The following DENND4A variants were observed in gnomAD, a reference collection of about 807,000 sequenced individuals.
DENND4A encodes C-myc promoter-binding protein.
A neutral mutation model predicts 199.3 loss-of-function variants in DENND4A; 70 were observed. The ratio of observed to expected loss-of-function variants is 0.35; its 90% CI spans 0.29 to 0.43. The LOEUF (loss-of-function observed/expected upper bound fraction) is 0.43. Among genes scored for constraint, DENND4A ranks in the 20% least tolerant of loss-of-function variants. The probability of loss-of-function intolerance (pLI) is 1.00; values close to 1 mark genes in which losing one functional copy is unlikely to be tolerated. For synonymous variants in DENND4A, 686 were observed against 766.9 expected, an observed-to-expected ratio of 0.89 and a Z score of 1.74; for missense variants, 1,723 against 2,255.8, an observed-to-expected ratio of 0.76 and a Z score of 4.78.
At chr15:65,702,584 A>G in intron 16 of DENND4A, 73 bp from the exon 17 acceptor site, 1 of 1,214,942 alleles carries the variant, frequency 8.2e-7, no homozygotes, top group Non-Finnish European at 1.2e-6. Flanking sequence ...GTGCTAAACA[A>G]GTACAAGTCA....
At chr15:65,771,487 A>T (rs2077123247) in intron 1 of DENND4A, 3 of 1,610,346 alleles carry the variant, frequency 1.9e-6, no homozygotes, top group Non-Finnish European at 2.5e-6. Flanking sequence ...GATAGAAGGA[A>T]TAAGGAGGAT....
intron 14 of DENND4A, among the ~76,000 whole-genome samples, chr15:65,708,054 T>C (rs867612786): frequency 6.6e-6 from 1 of 152,126 alleles, no homozygotes; most frequent in Admixed American, 6.5e-5. Flanking sequence ...TAAAATGCCA[T>C]GATGCAATCA....
chr15:65,772,069 C>T (rs1567097646), intron 1 of DENND4A: 9 of 1,238,104 alleles, frequency 7.3e-6, no homozygotes, highest in South Asian at 2.4e-5. Flanking sequence ...TGGGCCTTCT[C>T]GCGGTTGCCA....
At position 65,702,987 on chromosome 15, in the gene DENND4A, A is replaced by G. The variant is rs2074927093; in HGVS notation, c.2109T>C (p.Leu703=). Residue 703 remains leucine (L), a synonymous_variant, in exon 16 of 33, where the codon CTT becomes CTC. Coordinates refer to ENST00000443035, the MANE Select transcript of DENND4A (RefSeq NM_001320835.1). ...LQYSYNGFPV[L]RNNLFERPEG... Reference sequence around the variant, plus strand: ...CAGGTCTTTCAAATAAATTGTTCCTAAGAACTGGAAATCCATTATAGCTGT... The same window carrying G: ...CAGGTCTTTCAAATAAATTGTTCCTGAGAACTGGAAATCCATTATAGCTGT... The G allele has an allele frequency of 6.2e-7, 1 of 1,612,520 alleles. No homozygotes were observed. The highest frequency in any genetic ancestry group is 1.7e-5 in the Admixed American group (1 of 59,786).
In DENND4A at chr15:65,691,218, T is replaced by C. The variant is rs759122908; in HGVS notation, c.3376A>G (p.Ile1126Val). The C allele has an allele frequency of 2.5e-6, 4 of 1,613,414 alleles. No individual in the cohort carries two copies. The highest frequency in any genetic ancestry group is 2.2e-5 in the South Asian group (2 of 91,042). The change falls in exon 23 of 33, where the codon ATT becomes GTT. Residue 1126 changes from isoleucine (I) to valine (V), a missense_variant. Ile to Val is a conservative substitution (Grantham distance 29). Coordinates refer to ENST00000443035, the MANE Select transcript of DENND4A (RefSeq NM_001320835.1). ...TTTGATCTTAAAGGTGGCTTCCCAATATCAAGAGTATTTGGTCTCGTGCTT... is the reference window on the plus strand; with the variant it reads ...TTTGATCTTAAAGGTGGCTTCCCAACATCAAGAGTATTTGGTCTCGTGCTT... Reference protein sequence around the residue: ...SKSTRPNTLDIGKPPLRSKRD... With the variant: ...SKSTRPNTLDVGKPPLRSKRD...
chr15:65,696,809 A>G lies in DENND4A; in HGVS notation c.2951-312T>C, dbSNP rs76022458. On this transcript the variant is annotated intron_variant, in intron 21 of 32. Coordinates refer to ENST00000443035, the MANE Select transcript of DENND4A (RefSeq NM_001320835.1). ...TAAATATAATCACAATCCATTAAAC[A>G]AACTTTTTTTTTTTCTTTTTTCAGG... The G allele has an allele frequency of 4.6e-5, 13 of 279,842 alleles. No individual in the cohort carries two copies. In the East Asian group the frequency reaches 8.9e-4, roughly 19 times the overall value. The allele number at this position is 279,842 out of a possible 1,614,324, so 17.3% of individuals were successfully genotyped here. A position where few individuals can be genotyped will look rare whatever the true frequency, so the allele number is the denominator to read the frequency against.
intron 14 of DENND4A, chr15:65,715,220 G>T: frequency 3.7e-6 from 1 of 268,696 alleles, no homozygotes; most frequent in Non-Finnish European, 6.9e-6. Flanking sequence ...TTTTGTAAGT[G>T]GACAGGGAGG....
At chr15:65,786,717 C>T (rs2077575270) in intron 1 of DENND4A, among the ~76,000 whole-genome samples, 1 of 152,128 alleles carries the variant, frequency 6.6e-6, no homozygotes, top group Non-Finnish European at 1.5e-5. Context: ...TACCTAAGGT[C>T]ACAAAATTAA....
chr15:65,697,468 G>A (rs2077186914), intron 20 of DENND4A, 85 bp from the exon 21 acceptor site: 1 of 797,528 alleles, frequency 1.3e-6, no homozygotes, highest in Non-Finnish European at 2.0e-6. Context: ...ACTAGTGTTT[G>A]GATTTCCTTA....
At chr15:65,689,761 G>C (rs1321279930) in intron 23 of DENND4A, among the ~76,000 whole-genome samples, 1 of 152,176 alleles carries the variant, frequency 6.6e-6, no homozygotes, top group African/African-American at 2.4e-5. Flanking sequence ...CAGTGTATTT[G>C]AGGCCCTTAA....
chr15:65,762,141 G>A (rs561309380), intron 1 of DENND4A, among the ~76,000 whole-genome samples: 5 of 152,140 alleles, frequency 3.3e-5, no homozygotes, highest in African/African-American at 7.2e-5. Flanking sequence ...CCGAGTAGCC[G>A]GGATTACAGG....
chr15:65,715,138 T>C, intron 14 of DENND4A: 1 of 184,024 alleles, frequency 5.4e-6, no homozygotes, highest in South Asian at 1.3e-4. Flanking sequence ...ATAACCCATA[T>C]CAGACAAAAA....
In DENND4A at chr15:65,702,231, T is replaced by C. The variant is rs560743465; in HGVS notation, c.2430+74A>G. ...CTGCAGTGAGCCATGACTGCATCAC[T>C]GCACTCCAGCCTGGGTGACAGAGTG... is the stretch of plus-strand genomic sequence containing the variant. On this transcript the variant is annotated intron_variant, in intron 17 of 32. Coordinates refer to ENST00000443035, the MANE Select transcript of DENND4A (RefSeq NM_001320835.1). 6 of 1,229,336 alleles carry C rather than the reference T, an allele frequency of 4.9e-6. No homozygotes were observed. In the African/African-American group the frequency reaches 9.0e-5, roughly 18 times the overall value. The allele number at this position is 1,229,336 out of a possible 1,614,324, so 76.2% of individuals were successfully genotyped here.
chr15:65,756,724 C>G (rs999662456), intron 2 of DENND4A, among the ~76,000 whole-genome samples: 2 of 152,160 alleles, frequency 1.3e-5, no homozygotes, highest in Non-Finnish European at 1.5e-5. Context: ...AAGTAGACAA[C>G]AAAAAGAGAT....
intron 2 of DENND4A, 55 bp from the exon 3 acceptor site, chr15:65,756,527 G>A (rs1177184741): frequency 1.5e-6 from 2 of 1,328,556 alleles, no homozygotes; most frequent in Non-Finnish European, 2.1e-6. Flanking sequence ...ATAAATACAA[G>A]TGGTTTGTGT....
intron 22 of DENND4A, among the ~76,000 whole-genome samples, chr15:65,694,449 CA>C (rs34568814): frequency 0.36 from 47,127 of 130,264 alleles, 9,149 homozygotes; most frequent in African/African-American, 0.61. Flanking sequence ...ACTCTGTCTC[CA>C]AAAAAAAAAA....
At chr15:65,735,692 TATACAG>T (rs2076095634) in intron 7 of DENND4A, among the ~76,000 whole-genome samples, 1 of 152,250 alleles carries the variant, frequency 6.6e-6, no homozygotes, top group Non-Finnish European at 1.5e-5. Flanking sequence ...ACTTCTGCTG[TATACAG>T]AAGCACAATG....
chr15:65,684,465 C>T (rs1240897401), intron 23 of DENND4A, among the ~76,000 whole-genome samples: 1 of 152,178 alleles, frequency 6.6e-6, no homozygotes, highest in Non-Finnish European at 1.5e-5. Flanking sequence ...TGCCTAATAA[C>T]TAATTATGTT....
rs77421887 is a variant in DENND4A at position 65,706,447 on chromosome 15, AACACACACACACACACACACACACAC to A, written c.1954-249_1954-224del. On this transcript the variant is annotated intron_variant, in intron 14 of 32. Coordinates refer to ENST00000443035, the MANE Select transcript of DENND4A (RefSeq NM_001320835.1). ...CTTTTGAATAAGAAAAGGGGAAAATAACACACACACACACACACACACACACACACACACACACACACACACACATA... is the reference window on the plus strand; with the variant it reads ...CTTTTGAATAAGAAAAGGGGAAAATAACACACACACACACACACACACATA... Among the ~76,000 whole-genome samples, 415 of 130,320 alleles carry A rather than the reference AACACACACACACACACACACACACAC, an allele frequency of 3.2e-3. 3 individuals carry two copies. The highest frequency in any genetic ancestry group is 0.012 in the African/African-American group (392 of 34,016). The allele number at this position is 130,320 out of a possible 152,430, so 85.5% of individuals were successfully genotyped here. A position where few individuals can be genotyped will look rare whatever the true frequency, so the allele number is the denominator to read the frequency against.
Sources: gnomAD v4.1 joint callset for allele counts (sites outside exome capture counted in the v4.1 genomes callset) on GRCh38, gnomAD v4.1.1 for gene constraint, MANE v1.5 for transcripts, NCBI Gene and HGNC (gene_info 2026-07-23, HGNC 2026-07-21) for gene names.